Variants in MOK observed in about 807,000 individuals in gnomAD.
MOK encodes the protein MAPK/MAK/MRK overlapping kinase.
MOK carries 59 observed loss-of-function variants against 54.2 expected under a neutral mutation model. That is an observed-to-expected ratio of 1.09 (90% CI 0.88 to 1.35). MOK has a LOEUF of 1.35. Among genes scored for constraint, MOK ranks in the 40% most tolerant of loss-of-function variants. The pLI is 0.00. For synonymous variants in MOK, 210 were observed against 202.7 expected (o/e 1.04, Z -0.31); for missense variants, 517 against 526.2 (o/e 0.98, Z 0.17).
At chr14:102,256,225 T>C (rs2153117401) in intron 4 of MOK, among the ~76,000 whole-genome samples, 1 of 151,306 alleles carries the variant, frequency 6.6e-6, no homozygotes, top group Admixed American at 6.6e-5. Context: ...GCCTCCTGAG[T>C]AGTTGGGTCT....
At chr14:102,225,986 A>G, downstream of MOK, 1 of 344,666 alleles carries the variant, frequency 2.9e-6, no homozygotes, top group East Asian at 6.3e-5. Context: ...AGCCAGGAAG[A>G]GGTCGGCCGT....
chr14:102,235,942 C>T lies in MOK; in HGVS notation c.591-2153G>A, dbSNP rs1254495037. ...CCAGCTTCTAGCAGCGGCTGTCCAT[C>T]AACCCAGCCGTATCACCCAAGGGCA... On this transcript the variant is annotated intron_variant, in intron 7 of 11. Coordinates refer to ENST00000361847, the MANE Select transcript of MOK (RefSeq NM_014226.3). The surrounding 1 kb of genome is among the most constrained non-coding windows in gnomAD (Gnocchi z 4.4). Among the ~76,000 whole-genome samples the T allele has an allele frequency of 6.6e-6, 1 of 152,200 alleles. No individual in the cohort carries two copies. Among genetic ancestry groups the T allele is most frequent in the East Asian group, 1.9e-4 (1 of 5,198 alleles).
chr14:102,293,701 CAA>C (rs10598736), intron 1 of MOK, among the ~76,000 whole-genome samples: 683 of 54,584 alleles, frequency 0.013, 5 homozygotes, highest in African/African-American at 0.032. Context: ...AACTCCATCA[CAA>C]AAAAAAAAAA....
chr14:102,217,612 G>GT, the MOK span, among the ~76,000 whole-genome samples: 34 of 152,220 alleles, frequency 2.2e-4, 1 homozygote, highest in Admixed American at 1.8e-3. Context: ...CCTGGGCTGG[G>GT]CCCAGGGTTC....
chr14:102,251,813 A>C lies in MOK; in HGVS notation c.363-9T>G, dbSNP rs748729939. The C allele has an allele frequency of 6.4e-7, 1 of 1,559,084 alleles. No individual in the cohort carries two copies. Among genetic ancestry groups the C allele is most frequent in the Non-Finnish European group, 8.8e-7 (1 of 1,133,454 alleles). On this transcript the variant is annotated splice_polypyrimidine_tract_variant and intron_variant, in intron 5 of 11. Coordinates refer to ENST00000361847, the MANE Select transcript of MOK (RefSeq NM_014226.3). The stretch of plus-strand genomic sequence containing the variant: ...TGTGAAATATTCCATTTCTGCATTC[A>C]GTATAAAGGAAAAATAGAATTACAC...
chr14:102,255,938 G>C (rs1027286141), intron 4 of MOK, among the ~76,000 whole-genome samples: 3 of 152,090 alleles, frequency 2.0e-5, no homozygotes, highest in African/African-American at 4.8e-5. Context: ...AAAAACTTAA[G>C]TGAACACAGT....
intron 2 of MOK, among the ~76,000 whole-genome samples, chr14:102,270,875 A>G (rs2068297405): frequency 6.6e-6 from 1 of 152,140 alleles, no homozygotes; most frequent in South Asian, 2.1e-4. Flanking sequence ...CTCACTTACA[A>G]TAGCTGAATT....
chr14:102,251,012 G>C, intron 6 of MOK, 22 bp from the exon 7 acceptor site: 1 of 1,611,618 alleles, frequency 6.2e-7, no homozygotes, highest in Non-Finnish European at 8.5e-7. Flanking sequence ...AAGAAGCAAG[G>C]ACAAGTAACA....
chr14:102,237,879 C>G (rs559554296), intron 7 of MOK: 21 of 152,396 alleles, frequency 1.4e-4, no homozygotes, highest in Admixed American at 1.2e-3. Flanking sequence ...ATACCACCAC[C>G]TACAGTCCTC....
At chr14:102,267,181 G>A (rs2067983707) in intron 2 of MOK, among the ~76,000 whole-genome samples, 1 of 152,208 alleles carries the variant, frequency 6.6e-6, no homozygotes, top group Non-Finnish European at 1.5e-5. Flanking sequence ...GGCAAATTCT[G>A]TTCTATAAAC....
the MOK span, among the ~76,000 whole-genome samples, chr14:102,216,369 T>C: frequency 6.6e-6 from 1 of 152,170 alleles, no homozygotes; most frequent in South Asian, 2.1e-4. Flanking sequence ...CATGGCTCAC[T>C]GAAGCCTTGA....
At chr14:102,304,889 T>G in intron 1 of MOK, 73 bp downstream of exon 1, 2 of 1,515,528 alleles carry the variant, frequency 1.3e-6, no homozygotes, top group Non-Finnish European at 1.8e-6. Flanking sequence ...CTCAAGCTCC[T>G]CAAGCTCCCC....
In MOK at chr14:102,232,419, C is replaced by T. The variant is rs775098832; in HGVS notation, c.866+116G>A. The T allele has an allele frequency of 5.1e-5, 64 of 1,242,992 alleles. No individual in the cohort carries two copies. The highest frequency in any genetic ancestry group is 2.0e-4 in the South Asian group (13 of 63,518). The allele number at this position is 1,242,992 out of a possible 1,614,324, so 77.0% of individuals were successfully genotyped here. A position where few individuals can be genotyped will look rare whatever the true frequency, so the allele number is the denominator to read the frequency against. The stretch of plus-strand genomic sequence containing the variant: ...CCTGACCACTCTTCAGGATAGAGAG[C>T]GCGATTCCCAAGAACCAGGGACCCT... On this transcript the variant is annotated intron_variant, in intron 9 of 11. Transcript: ENST00000361847. The surrounding 1 kb of genome is among the most constrained non-coding windows in gnomAD (Gnocchi z 5.1).
Position 102,263,915 on chromosome 14 carries a change from T to A in MOK, c.213-299A>T, listed in dbSNP as rs375390490. The A allele has an allele frequency of 1.2e-5, 3 of 247,264 alleles. No individual in the cohort carries two copies. The South Asian group carries it at 1.7e-4, about 14-fold the overall frequency. The allele number at this position is 247,264 out of a possible 1,614,324, so 15.3% of individuals were successfully genotyped here. A position where few individuals can be genotyped will look rare whatever the true frequency, so the allele number is the denominator to read the frequency against. ...AGAAGAAAAAGGTTGGGGAGTTGGG[T>A]AAGCAAAACAATAAAAGAGGCCAGG... is the stretch of plus-strand genomic sequence containing the variant. On this transcript the variant is annotated intron_variant, in intron 3 of 11. Transcript: ENST00000361847.
intron 2 of MOK, among the ~76,000 whole-genome samples, chr14:102,279,733 C>A (rs1479917143): frequency 1.3e-5 from 2 of 152,036 alleles, no homozygotes; most frequent in African/African-American, 2.4e-5. Flanking sequence ...ACTTCCTTAT[C>A]CCTAACTAAG....
chr14:102,283,840 G>A (rs2069734650), intron 1 of MOK, among the ~76,000 whole-genome samples: 1 of 152,094 alleles, frequency 6.6e-6, no homozygotes, highest in African/African-American at 2.4e-5. Flanking sequence ...TGGCCAGTGA[G>A]GAGAGGCTCA....
chr14:102,255,977 G>A (rs1007848846), intron 4 of MOK, among the ~76,000 whole-genome samples: 1 of 152,170 alleles, frequency 6.6e-6, no homozygotes, highest in Non-Finnish European at 1.5e-5. Context: ...CTGTGACTCA[G>A]CACTAACTGA....
At chr14:102,296,813 A>C (rs1390762505) in intron 1 of MOK, among the ~76,000 whole-genome samples, 1 of 152,150 alleles carries the variant, frequency 6.6e-6, no homozygotes, top group Non-Finnish European at 1.5e-5. Context: ...TAATCCCAGC[A>C]CTTTGGGAGG....
At chr14:102,292,021 C>T (rs2070811735) in intron 1 of MOK, among the ~76,000 whole-genome samples, 1 of 151,946 alleles carries the variant, frequency 6.6e-6, no homozygotes, top group African/African-American at 2.4e-5. Context: ...ATACCACACA[C>T]TGTGCCATGC....
Sources: gnomAD v4.1 joint callset for allele counts (sites outside exome capture counted in the v4.1 genomes callset) on GRCh38, gnomAD v4.1.1 for gene constraint, Gnocchi (gnomAD v3.1) non-coding constraint, MANE v1.5 for transcripts, NCBI Gene and HGNC (gene_info 2026-07-23, HGNC 2026-07-21) for gene names.